LRP1B: variants seen among roughly 807,000 people sequenced by gnomAD.
LRP1B encodes the protein LDL receptor related protein 1B, also known as low-density lipoprotein receptor-related protein 1B.
LRP1B carries 217 observed loss-of-function variants against 556.6 expected under a neutral mutation model. The observed-to-expected ratio is 0.39, with a 90% confidence interval of 0.35 to 0.44. The LOEUF is 0.44. Ranked by LOEUF, LRP1B falls within the 20% of genes least tolerant of loss-of-function variation. The probability of loss-of-function intolerance (pLI) is 1.00; values close to 1 mark genes in which losing one functional copy is unlikely to be tolerated. For missense variants in LRP1B, 5,053 were observed against 5,620.8 expected (o/e 0.90, Z 3.23); for synonymous variants, 2,047 against 1,865.8 (o/e 1.10, Z -2.50).
At chr2:141,225,391 T>C (rs1245965520) in intron 6 of LRP1B, among the ~76,000 whole-genome samples, 1 of 152,128 alleles carries the variant, frequency 6.6e-6, no homozygotes, top group Non-Finnish European at 1.5e-5. Flanking sequence ...AGTCAGAAAA[T>C]ATTCTTATCT....
chr2:142,022,537 G>A (rs1479957695), intron 1 of LRP1B, among the ~76,000 whole-genome samples: 1 of 152,058 alleles, frequency 6.6e-6, no homozygotes, highest in Admixed American at 6.5e-5. Flanking sequence ...TCCTTACTTG[G>A]AGATTTCTGT....
chr2:141,186,037 C>A (rs941774719), intron 7 of LRP1B, among the ~76,000 whole-genome samples: 1 of 136,016 alleles, frequency 7.4e-6, no homozygotes. Flanking sequence ...GGAGATTGTG[C>A]CACTGTACTC....
In LRP1B at chr2:141,501,157, C is replaced by T. The variant is rs62167877; in HGVS notation, c.206-20624G>A. Among the ~76,000 whole-genome samples, 1,434 of 152,138 alleles carry T rather than the reference C, an allele frequency of 9.4e-3. 16 individuals are homozygous for T. Among genetic ancestry groups the T allele is most frequent in the Non-Finnish European group, 0.016 (1,082 of 67,968 alleles). ...GTGCCTTTATTTATAGAGAAGTATT[C>T]CTTTCTCACTTAAGAAACTTTCATC... On this transcript the variant is annotated intron_variant, in intron 2 of 90. Transcript: ENST00000389484.
chr2:141,923,705 T>TA (rs949515148), intron 1 of LRP1B, among the ~76,000 whole-genome samples: 20 of 148,526 alleles, frequency 1.3e-4, no homozygotes, highest in South Asian at 1.1e-3. Context: ...ATATCATAAT[T>TA]AAAAAAAAAA....
chr2:140,981,479 G>T (rs972066122), intron 18 of LRP1B, among the ~76,000 whole-genome samples: 1 of 152,034 alleles, frequency 6.6e-6, no homozygotes, highest in African/African-American at 2.4e-5. Context: ...TTCTGTTACT[G>T]TGTTTCAGTA....
chr2:140,500,900 A>G (rs1298350287), intron 55 of LRP1B, among the ~76,000 whole-genome samples: 1 of 151,944 alleles, frequency 6.6e-6, no homozygotes, highest in Non-Finnish European at 1.5e-5. Flanking sequence ...TGTTGTTTAT[A>G]CTAGTTATGT....
rs151058688 is a variant in LRP1B at position 140,994,437 on chromosome 2, C to T, written c.2504-302G>A. On this transcript the variant is annotated intron_variant, in intron 15 of 90. Transcript: ENST00000389484. ...TGTGTGTGTATCACAATTTCTAAGT[C>T]GAATACATAGAGAATAAAGTGGTAA... Among the ~76,000 whole-genome samples, 414 of 147,992 alleles carry T rather than the reference C, an allele frequency of 2.8e-3. 2 individuals are homozygous for T. The highest frequency in any genetic ancestry group is 1.0e-2 in the African/African-American group (398 of 39,876).
intron 1 of LRP1B, among the ~76,000 whole-genome samples, chr2:141,925,851 C>T (rs1700321256): frequency 6.6e-6 from 1 of 152,134 alleles, no homozygotes; most frequent in Non-Finnish European, 1.5e-5. Flanking sequence ...GGTTTAAATT[C>T]CAGCCCTGTA....
intron 7 of LRP1B, among the ~76,000 whole-genome samples, chr2:141,117,178 T>C (rs1700926346): frequency 2.0e-5 from 3 of 152,020 alleles, no homozygotes; most frequent in African/African-American, 7.2e-5. Flanking sequence ...TCTTCTATTT[T>C]ATAAATAGAA....
rs556066083 is a variant in LRP1B, at chr2:141,772,052, G to A, written c.205+38227C>T. 3.3e-5 allele frequency among the ~76,000 whole-genome samples: 5 copies of A among 152,042 alleles called. No individual in the cohort carries two copies. The South Asian group carries it at 8.3e-4, about 25-fold the overall frequency. ...GAGGTTGTCTCAAACTCCTGACCTC[G>A]TGATCCACCTGACTGGGACTCCCAA... is the stretch of plus-strand genomic sequence containing the variant. On this transcript the variant is annotated intron_variant, in intron 2 of 90. Transcript: ENST00000389484.
intron 2 of LRP1B, among the ~76,000 whole-genome samples, chr2:141,525,971 C>A (rs1005639708): frequency 1.2e-4 from 18 of 152,058 alleles, no homozygotes; most frequent in African/African-American, 3.6e-4. Flanking sequence ...AATACTAAGT[C>A]ATTTAATCTT....
chr2:141,478,470 T>C (rs1682793634), intron 3 of LRP1B, among the ~76,000 whole-genome samples: 2 of 152,156 alleles, frequency 1.3e-5, no homozygotes, highest in Admixed American at 6.6e-5. Flanking sequence ...ATTAAACTCT[T>C]TAATGCCTAT....
chr2:141,047,263 T>A (rs546147950), intron 11 of LRP1B, among the ~76,000 whole-genome samples: 1 of 152,240 alleles, frequency 6.6e-6, no homozygotes, highest in East Asian at 1.9e-4. Flanking sequence ...TTAAATTAGA[T>A]ACTCCTTTGG....
intron 68 of LRP1B, among the ~76,000 whole-genome samples, 170 bp from the exon 69 acceptor site, chr2:140,373,307 G>A (rs897601510): frequency 6.6e-6 from 1 of 152,086 alleles, no homozygotes; most frequent in African/African-American, 2.4e-5. Flanking sequence ...TGCGTTTTTA[G>A]AAAAATGTTT....
chr2:142,013,623 T>C (rs755760625), intron 1 of LRP1B, among the ~76,000 whole-genome samples: 2 of 151,886 alleles, frequency 1.3e-5, no homozygotes, highest in South Asian at 2.1e-4. Flanking sequence ...GTGAAGAAGA[T>C]TAAAGAGTTA....
intron 41 of LRP1B, among the ~76,000 whole-genome samples, 155 bp from the exon 42 acceptor site, chr2:140,601,794 C>T (rs1025531048): frequency 6.6e-6 from 1 of 152,080 alleles, no homozygotes. Flanking sequence ...ATTGTGATAC[C>T]TACAATTGAC....
intron 28 of LRP1B, among the ~76,000 whole-genome samples, chr2:140,851,107 C>T (rs929856502): frequency 6.6e-6 from 1 of 151,922 alleles, no homozygotes; most frequent in Non-Finnish European, 1.5e-5. Context: ...TAATAGAAAG[C>T]AAAAAATTTT....
intron 3 of LRP1B, among the ~76,000 whole-genome samples, chr2:141,359,759 C>T (rs1413241544): frequency 2.3e-5 from 1 of 43,514 alleles, no homozygotes; most frequent in South Asian, 5.8e-4. Flanking sequence ...TCGGCCCCCG[C>T]GCCCCGCCCC....
At chr2:140,419,783 G>A (rs1310459032) in intron 66 of LRP1B, among the ~76,000 whole-genome samples, 2 of 152,108 alleles carry the variant, frequency 1.3e-5, no homozygotes, top group African/African-American at 4.8e-5. Context: ...CAAAGCAAGT[G>A]GATCACTTGA....
Sources: allele counts gnomAD v4.1 joint callset (sites outside exome capture counted in the v4.1 genomes callset), GRCh38; gene constraint gnomAD v4.1.1; transcripts MANE v1.5; gene names NCBI Gene and HGNC (gene_info 2026-07-23, HGNC 2026-07-21).